Variants in RYR3 observed in about 807,000 individuals in gnomAD.
The protein encoded by RYR3 is brain ryanodine receptor-calcium release channel.
A neutral mutation model predicts 584.3 loss-of-function variants in RYR3; 207 were observed. The ratio of observed to expected loss-of-function variants is 0.35; its 90% CI spans 0.32 to 0.40. The LOEUF is 0.40. RYR3 is among the 10% of genes least tolerant of loss of function. The pLI is 1.00. For missense variants in RYR3, 5,616 were observed against 6,089.2 expected (o/e 0.92, Z 2.59); for synonymous variants, 2,416 against 2,248.5 (o/e 1.07, Z -2.11).
intron 1 of RYR3, among the ~76,000 whole-genome samples, chr15:33,428,915 C>T (rs932133283): frequency 6.6e-6 from 1 of 152,142 alleles, no homozygotes; most frequent in African/African-American, 2.4e-5. Context: ...ACTTGAACAT[C>T]GTATGACTTC....
At chr15:33,364,020 T>C (rs1975130506) in intron 1 of RYR3, among the ~76,000 whole-genome samples, 1 of 152,162 alleles carries the variant, frequency 6.6e-6, no homozygotes, top group Non-Finnish European at 1.5e-5. Context: ...CAATGAAAAT[T>C]TAGCTTCTGA....
intron 60 of RYR3, 132 bp from the exon 61 acceptor site, chr15:33,768,526 A>G: frequency 1.3e-6 from 1 of 773,336 alleles, no homozygotes; most frequent in Admixed American, 1.9e-5. Context: ...TTTGCTAGGA[A>G]CATAGTGCAT....
chr15:33,433,136 G>A (rs1355501904), intron 1 of RYR3, among the ~76,000 whole-genome samples: 1 of 152,110 alleles, frequency 6.6e-6, no homozygotes. Flanking sequence ...GCATAGAGAT[G>A]TATTTTATGC....
chr15:33,730,419 C>A (rs1263792995), intron 47 of RYR3, among the ~76,000 whole-genome samples: 2 of 152,178 alleles, frequency 1.3e-5, no homozygotes, highest in Non-Finnish European at 2.9e-5. Flanking sequence ...AATCAAAGCT[C>A]TGTCCTTTCT....
chr15:33,826,149 C>A, intron 82 of RYR3, 103 bp from the exon 83 acceptor site: 1 of 1,113,902 alleles, frequency 9.0e-7, no homozygotes, highest in Non-Finnish European at 1.4e-6. Flanking sequence ...AAGCTATCAT[C>A]TAGGATGGAT....
Position 33,738,518 on chromosome 15 carries a change from G to A in RYR3, c.7584G>A (p.Gly2528=). ...YCLPSGWGSY[G]LAVEEELHLT... Reference sequence around the variant, plus strand: ...TGCCTTCAGGATGGGGGAGCTACGGGCTAGCTGTGGAAGAAGAGCTGCACC... The same window carrying A: ...TGCCTTCAGGATGGGGGAGCTACGGACTAGCTGTGGAAGAAGAGCTGCACC... The change falls in exon 50 of 104, where the codon GGG becomes GGA. Residue 2528 remains glycine (G), a synonymous_variant. Transcript: ENST00000634891. 1 of 1,613,968 alleles carries A rather than the reference G, an allele frequency of 6.2e-7. No individual in the cohort carries two copies. The highest frequency in any genetic ancestry group is 8.5e-7 in the Non-Finnish European group (1 of 1,179,866).
chr15:33,600,002 G>T (rs2059581542), intron 16 of RYR3, among the ~76,000 whole-genome samples: 1 of 152,180 alleles, frequency 6.6e-6, no homozygotes, highest in Non-Finnish European at 1.5e-5. Flanking sequence ...GATGAAATGT[G>T]TAATAGGCCG....
At chr15:33,604,661 T>A (rs1439109505) in intron 18 of RYR3, among the ~76,000 whole-genome samples, 1 of 152,044 alleles carries the variant, frequency 6.6e-6, no homozygotes, top group Non-Finnish European at 1.5e-5. Context: ...GAAGGGAAAG[T>A]CTTATCTTGT....
chr15:33,450,402 C>T (rs1475470896), intron 1 of RYR3, among the ~76,000 whole-genome samples: 2 of 152,150 alleles, frequency 1.3e-5, no homozygotes, highest in South Asian at 2.1e-4. Context: ...CCAGGCTGTA[C>T]ACCCTGTAGC....
At chr15:33,322,536 A>T (rs1042667274) in intron 1 of RYR3, among the ~76,000 whole-genome samples, 1 of 152,214 alleles carries the variant, frequency 6.6e-6, no homozygotes, top group Admixed American at 6.5e-5. Flanking sequence ...TGGTGGGGAC[A>T]TATAATCAAA....
intron 17 of RYR3, among the ~76,000 whole-genome samples, chr15:33,601,800 A>T: frequency 6.6e-6 from 1 of 152,254 alleles, no homozygotes; most frequent in East Asian, 1.9e-4. Flanking sequence ...TCTGAGTGCT[A>T]AAGAATTTGA....
chr15:33,560,353 C>G (rs1398742791), intron 10 of RYR3, among the ~76,000 whole-genome samples: 1 of 152,162 alleles, frequency 6.6e-6, no homozygotes, highest in Non-Finnish European at 1.5e-5. Context: ...AATTTGGAAG[C>G]CGATGCTGTT....
chr15:33,810,915 C>T (rs1291747841), intron 71 of RYR3, 63 bp from the exon 72 acceptor site: 16 of 1,368,818 alleles, frequency 1.2e-5, no homozygotes, highest in Non-Finnish European at 1.6e-5. Context: ...CATACATCCC[C>T]ATATGCTACT....
intron 28 of RYR3, among the ~76,000 whole-genome samples, chr15:33,644,953 A>C (rs983125343): frequency 6.6e-6 from 1 of 152,010 alleles, no homozygotes; most frequent in Non-Finnish European, 1.5e-5. Context: ...TCGAGGCTGC[A>C]GTGAGCTATG....
chr15:33,496,138 G>C (rs16971755), intron 2 of RYR3, among the ~76,000 whole-genome samples: 6 of 152,192 alleles, frequency 3.9e-5, no homozygotes, highest in African/African-American at 1.4e-4. Flanking sequence ...AGCTTGAGAA[G>C]TCTTCTCATC....
At chr15:33,843,679 A>G (rs2078526691) in intron 92 of RYR3, 105 bp downstream of exon 92, 2 of 798,886 alleles carry the variant, frequency 2.5e-6, no homozygotes, top group South Asian at 1.7e-5. Context: ...TGTAGCAAAC[A>G]TTCTAATAGG....
chr15:33,549,687 G>A (rs188009358), intron 9 of RYR3, among the ~76,000 whole-genome samples: 78 of 152,228 alleles, frequency 5.1e-4, no homozygotes, highest in African/African-American at 1.8e-3. Context: ...ATGCTTGTTT[G>A]TTGTCTCTCT....
intron 3 of RYR3, among the ~76,000 whole-genome samples, chr15:33,507,771 C>T (rs1452082778): frequency 6.6e-6 from 1 of 151,914 alleles, no homozygotes; most frequent in Non-Finnish European, 1.5e-5. Flanking sequence ...CTATATTGGA[C>T]CAGGTGACCT....
chr15:33,329,776 G>C (rs1479037581), intron 1 of RYR3, among the ~76,000 whole-genome samples: 1 of 152,148 alleles, frequency 6.6e-6, no homozygotes, highest in East Asian at 1.9e-4. Context: ...ACTGGTCTAT[G>C]CCCAAATAAG....
Sources: allele counts gnomAD v4.1 joint callset (sites outside exome capture counted in the v4.1 genomes callset), GRCh38; gene constraint gnomAD v4.1.1; transcripts MANE v1.5; gene names NCBI Gene and HGNC (gene_info 2026-07-23, HGNC 2026-07-21).